Variants in CDH20 observed in about 807,000 individuals in gnomAD.
The protein encoded by CDH20 is cadherin-20.
A neutral mutation model predicts 74.2 loss-of-function variants in CDH20; 29 were observed. The observed-to-expected ratio is 0.39, with a 90% confidence interval of 0.29 to 0.53. The LOEUF is 0.53. CDH20 is among the 20% of genes least tolerant of loss of function. CDH20 has a pLI of 0.69. For synonymous variants in CDH20, 469 were observed against 405.4 expected, an observed-to-expected ratio of 1.16 and a Z score of -1.88; for missense variants, 988 against 1,048.3, an observed-to-expected ratio of 0.94 and a Z score of 0.79.
intron 7 of CDH20, among the ~76,000 whole-genome samples, chr18:61,532,567 CACAT>C: frequency 6.7e-6 from 1 of 150,006 alleles, no homozygotes. Context: ...CACACACACA[CACAT>C]ATATATAAAA....
intron 6 of CDH20, among the ~76,000 whole-genome samples, chr18:61,526,121 CTT>C (rs765492185): frequency 0.13 from 11,578 of 89,326 alleles, 307 homozygotes; most frequent in Non-Finnish European, 0.17. Context: ...AAAAAGTTGA[CTT>C]TTTTTTTTTT....
chr18:61,462,918 A>G (rs1343666712), intron 1 of CDH20, among the ~76,000 whole-genome samples: 1 of 152,232 alleles, frequency 6.6e-6, no homozygotes, highest in Non-Finnish European at 1.5e-5. Flanking sequence ...ACAAATATAA[A>G]TAATTTAGCA....
chr18:61,538,579 T>TCTG, intron 8 of CDH20, among the ~76,000 whole-genome samples: 2 of 15,428 alleles, frequency 1.3e-4, no homozygotes, highest in Non-Finnish European at 2.6e-4. Context: ...AAATAACTAC[T>TCTG]TTTTGTTTGT....
At chr18:61,389,025 G>A (rs902340081) in intron 1 of CDH20, among the ~76,000 whole-genome samples, 21 of 152,116 alleles carry the variant, frequency 1.4e-4, no homozygotes, top group African/African-American at 4.3e-4. Flanking sequence ...TGTAAATTTT[G>A]CTCCGAGAAG....
intron 1 of CDH20, among the ~76,000 whole-genome samples, chr18:61,476,552 A>C (rs1910394865): frequency 2.6e-5 from 4 of 152,348 alleles, no homozygotes; most frequent in Middle Eastern, 3.4e-3. Flanking sequence ...AATATGATTT[A>C]GTGCCAAAAT....
chr18:61,362,690 G>A (rs1046094121), intron 1 of CDH20, among the ~76,000 whole-genome samples: 1 of 152,014 alleles, frequency 6.6e-6, no homozygotes. Flanking sequence ...TATGTAGTAT[G>A]TACTTAGTAC....
intron 1 of CDH20, among the ~76,000 whole-genome samples, chr18:61,403,213 G>C (rs549496556): frequency 6.6e-6 from 1 of 152,268 alleles, no homozygotes; most frequent in East Asian, 1.9e-4. Flanking sequence ...GTTTTTCAGA[G>C]ATTTTCAAGG....
chr18:61,348,048 T>C (rs909376265), intron 1 of CDH20, among the ~76,000 whole-genome samples: 2 of 152,204 alleles, frequency 1.3e-5, no homozygotes, highest in African/African-American at 2.4e-5. Flanking sequence ...TATTATTTCA[T>C]GTTTTCAGAG....
chr18:61,374,459 G>A (rs1204829144), intron 1 of CDH20, among the ~76,000 whole-genome samples: 1 of 152,078 alleles, frequency 6.6e-6, no homozygotes, highest in Non-Finnish European at 1.5e-5. Flanking sequence ...TTACAAAAGA[G>A]TATATAGAAA....
intron 1 of CDH20, among the ~76,000 whole-genome samples, chr18:61,446,316 C>G (rs1334000157): frequency 6.6e-6 from 1 of 152,202 alleles, no homozygotes; most frequent in Non-Finnish European, 1.5e-5. Flanking sequence ...ATCAGCATCA[C>G]TGAAGGGACC....
chr18:61,440,372 G>T (rs889527652), intron 1 of CDH20, among the ~76,000 whole-genome samples: 3 of 152,126 alleles, frequency 2.0e-5, no homozygotes, highest in African/African-American at 7.2e-5. Context: ...TAACCTCAAC[G>T]CTATCAGAGA....
At chr18:61,369,386 G>T (rs1001989585) in intron 1 of CDH20, among the ~76,000 whole-genome samples, 3 of 152,066 alleles carry the variant, frequency 2.0e-5, no homozygotes, top group Admixed American at 2.0e-4. Flanking sequence ...CTTTTAATGG[G>T]AGTCTATAAC....
chr18:61,464,575 A>G (rs1363262455), intron 1 of CDH20, among the ~76,000 whole-genome samples: 1 of 152,186 alleles, frequency 6.6e-6, no homozygotes, highest in Non-Finnish European at 1.5e-5. Context: ...GCACTGGTCA[A>G]CTTAGAGTAT....
chr18:61,415,268 T>C (rs1912645511), intron 1 of CDH20, among the ~76,000 whole-genome samples: 1 of 152,174 alleles, frequency 6.6e-6, no homozygotes, highest in Non-Finnish European at 1.5e-5. Context: ...TTTTAAAATA[T>C]ATATTTTAAG....
Position 61,499,621 on chromosome 18 carries a change from T to C in CDH20, c.541+141T>C, listed in dbSNP as rs1379717284. On this transcript the variant is annotated intron_variant, in intron 3 of 11. Transcript: ENST00000262717. ...CATGAGAGGAGAAGCTCACCAATTA[T>C]AAAGCAACCAAAAATGACGACCAAG... 12 of 693,734 alleles carry C rather than the reference T, an allele frequency of 1.7e-5. No homozygotes were observed. The East Asian group carries it at 3.3e-4, about 19-fold the overall frequency. The allele number at this position is 693,734 out of a possible 1,614,324, so 43.0% of individuals were successfully genotyped here.
chr18:61,467,278 A>G (rs1909994584), intron 1 of CDH20, among the ~76,000 whole-genome samples: 1 of 152,124 alleles, frequency 6.6e-6, no homozygotes, highest in South Asian at 2.1e-4. Flanking sequence ...GTATTTGGAG[A>G]GGCTTGTGAG....
intron 1 of CDH20, among the ~76,000 whole-genome samples, chr18:61,485,017 A>G (rs889679703): frequency 6.6e-6 from 1 of 152,134 alleles, no homozygotes; most frequent in African/African-American, 2.4e-5. Flanking sequence ...AGTGAACATG[A>G]TAACAGCTGA....
At chr18:61,553,067 T>C (rs182205471) in intron 11 of CDH20, among the ~76,000 whole-genome samples, 1 of 152,324 alleles carries the variant, frequency 6.6e-6, no homozygotes, top group African/African-American at 2.4e-5. Flanking sequence ...TACGTATTAA[T>C]GTCATTAATT....
chr18:61,528,481 A>ACACACACACACACACACACACACACC lies in CDH20; in HGVS notation c.1271+262_1271+263insACACACACACACACACACACACACCC, dbSNP rs755504850. On this transcript the variant is annotated intron_variant, in intron 7 of 11. Coordinates refer to ENST00000262717, the MANE Select transcript of CDH20 (RefSeq NM_031891.4). ...CACACACACACACACACACACACAC[A>ACACACACACACACACACACACACACC]CCCCTTAGTTCTCAATCATGGTCCT... is the stretch of plus-strand genomic sequence containing the variant. Among the ~76,000 whole-genome samples the ACACACACACACACACACACACACACC allele has an allele frequency of 3.3e-5, 5 of 149,320 alleles. No homozygotes were observed. The South Asian group carries it at 1.1e-3, about 32-fold the overall frequency.
Sources: gnomAD v4.1 joint callset for allele counts (sites outside exome capture counted in the v4.1 genomes callset) on GRCh38, gnomAD v4.1.1 for gene constraint, MANE v1.5 for transcripts, NCBI Gene and HGNC (gene_info 2026-07-23, HGNC 2026-07-21) for gene names.